The following ELMO1 variants were observed in gnomAD, a reference collection of about 807,000 sequenced individuals.
The protein encoded by ELMO1 is engulfment and cell motility protein 1.
A neutral mutation model predicts 98.9 loss-of-function variants in ELMO1; 26 were observed. The ratio of observed to expected loss-of-function variants is 0.26; its 90% confidence interval spans 0.19 to 0.36. The LOEUF (loss-of-function observed/expected upper bound fraction) is 0.36, where lower values mean the gene tolerates loss of function less well. Ranked by LOEUF, ELMO1 falls within the 10% of genes least tolerant of loss-of-function variation. The probability of loss-of-function intolerance (pLI) is 1.00; values close to 1 mark genes in which losing one functional copy is unlikely to be tolerated. For missense variants in ELMO1, 627 were observed against 935.2 expected, an observed-to-expected ratio of 0.67 and a Z score of 4.30; for synonymous variants, 346 against 346.0, an observed-to-expected ratio of 1.00 and a Z score of 0.00.
intron 4 of ELMO1, among the ~76,000 whole-genome samples, chr7:37,283,250 C>T (rs574608128): frequency 7.9e-5 from 12 of 152,092 alleles, no homozygotes; most frequent in Admixed American, 2.0e-4. Context: ...TTTCTGGAGA[C>T]GACAAACTCG....
intron 16 of ELMO1, among the ~76,000 whole-genome samples, chr7:37,008,995 G>A (rs951542030): frequency 3.3e-5 from 5 of 152,288 alleles, no homozygotes; most frequent in East Asian, 1.9e-4. Context: ...TGATTCTGAC[G>A]TACAGCTAAA....
intron 19 of ELMO1, among the ~76,000 whole-genome samples, chr7:36,871,174 CTG>C (rs1208554156): frequency 1.8e-4 from 27 of 152,184 alleles, no homozygotes; most frequent in African/African-American, 6.5e-4. Context: ...ATGTCTTACT[CTG>C]GAGTTGGCGG....
intron 14 of ELMO1, among the ~76,000 whole-genome samples, chr7:37,101,343 A>C (rs2129265054): frequency 6.6e-6 from 1 of 152,302 alleles, no homozygotes; most frequent in Non-Finnish European, 1.5e-5. Context: ...GTTGTAACTA[A>C]GTGAGTTACA....
In ELMO1 at chr7:37,254,978, T is replaced by TC. The variant is rs1162270967; in HGVS notation, c.413+4202dup. On this transcript the variant is annotated intron_variant, in intron 6 of 21. Coordinates refer to ENST00000310758, the MANE Select transcript of ELMO1 (RefSeq NM_014800.11). ...GGACTGTTCTGCAGGTGGAGATGTG[T>TC]CATAAAGTAAGGCCACAGCACTGAG... is the stretch of plus-strand genomic sequence containing the variant. Among the ~76,000 whole-genome samples, 13 of 152,334 alleles carry TC rather than the reference T, an allele frequency of 8.5e-5. No individual in the cohort carries two copies. In the East Asian group the frequency reaches 2.5e-3, roughly 29 times the overall value.
At chr7:37,104,732 T>A (rs1055438615) in intron 14 of ELMO1, among the ~76,000 whole-genome samples, 3 of 151,788 alleles carry the variant, frequency 2.0e-5, no homozygotes, top group Non-Finnish European at 4.4e-5. Context: ...AATGTGAGTA[T>A]AACTGACGAC....
chr7:36,937,318 C>T (rs533305748), intron 16 of ELMO1, among the ~76,000 whole-genome samples: 3 of 152,260 alleles, frequency 2.0e-5, no homozygotes, highest in East Asian at 1.9e-4. Flanking sequence ...GAGAACGCCA[C>T]GTGACAACAA....
intron 2 of ELMO1, among the ~76,000 whole-genome samples, chr7:37,323,992 C>T (rs1320096900): frequency 1.3e-5 from 2 of 152,126 alleles, no homozygotes; most frequent in Non-Finnish European, 2.9e-5. Context: ...TCCTTTAAGG[C>T]ACTGGAGACC....
intron 1 of ELMO1, among the ~76,000 whole-genome samples, chr7:37,399,813 G>C (rs1166075727): frequency 6.6e-6 from 1 of 152,194 alleles, no homozygotes; most frequent in Non-Finnish European, 1.5e-5. Flanking sequence ...GTGACTTGAA[G>C]TGGGAGTAAT....
At chr7:36,956,553 AG>A (rs750138201) in intron 16 of ELMO1, among the ~76,000 whole-genome samples, 63 of 152,362 alleles carry the variant, frequency 4.1e-4, no homozygotes, top group Non-Finnish European at 7.9e-4. Context: ...TATAAAAAAA[AG>A]GTCACTTTAT....
At chr7:37,206,477 G>A (rs1459021250) in intron 13 of ELMO1, among the ~76,000 whole-genome samples, 1 of 152,112 alleles carries the variant, frequency 6.6e-6, no homozygotes, top group East Asian at 1.9e-4. Context: ...ATTAGGATGG[G>A]GACAGAGATA....
At chr7:37,357,288 C>T (rs1341706357) in intron 1 of ELMO1, among the ~76,000 whole-genome samples, 1 of 152,140 alleles carries the variant, frequency 6.6e-6, no homozygotes. Context: ...CGCTTGCTAA[C>T]CTGTCTTTGG....
intron 13 of ELMO1, among the ~76,000 whole-genome samples, chr7:37,148,056 T>C (rs1788112949): frequency 6.6e-6 from 1 of 152,132 alleles, no homozygotes; most frequent in Non-Finnish European, 1.5e-5. Flanking sequence ...GCTGGCTGTA[T>C]ACAGCAGAGA....
chr7:37,426,977 T>C (rs1804735313), intron 1 of ELMO1, among the ~76,000 whole-genome samples: 1 of 151,984 alleles, frequency 6.6e-6, no homozygotes, highest in African/African-American at 2.4e-5. Flanking sequence ...AGGATTTTTA[T>C]CCAAGATCCT....
intron 1 of ELMO1, among the ~76,000 whole-genome samples, chr7:37,411,722 T>C (rs1731986): frequency 0.27 from 40,802 of 152,066 alleles, 5,795 homozygotes; most frequent in Non-Finnish European, 0.32. Flanking sequence ...TTTTTCCTGA[T>C]CTGGTTCATA....
At chr7:36,927,832 A>G (rs1328886988) in intron 16 of ELMO1, among the ~76,000 whole-genome samples, 1 of 152,224 alleles carries the variant, frequency 6.6e-6, no homozygotes, top group Non-Finnish European at 1.5e-5. Context: ...ATTTAAATAA[A>G]TTGGTTAATT....
chr7:37,291,474 T>A (rs149941263), intron 4 of ELMO1, among the ~76,000 whole-genome samples: 5 of 152,136 alleles, frequency 3.3e-5, no homozygotes, highest in Admixed American at 2.6e-4. Flanking sequence ...CCACAACATA[T>A]AAACAACTCC....
At chr7:37,433,078 C>A (rs892705969) in intron 1 of ELMO1, among the ~76,000 whole-genome samples, 1 of 152,184 alleles carries the variant, frequency 6.6e-6, no homozygotes, top group Non-Finnish European at 1.5e-5. Context: ...TCTCCAACAC[C>A]CAGAGGCTCC....
chr7:37,210,878 T>TA (rs559208011), intron 13 of ELMO1, among the ~76,000 whole-genome samples: 25 of 149,264 alleles, frequency 1.7e-4, no homozygotes, highest in Admixed American at 3.3e-4. Context: ...ATTTGCAAAC[T>TA]AAAAAAAAAA....
At chr7:37,380,897 G>A (rs182803839) in intron 1 of ELMO1, among the ~76,000 whole-genome samples, 34 of 152,272 alleles carry the variant, frequency 2.2e-4, no homozygotes, top group South Asian at 4.1e-4. Context: ...CTTGTGCTTA[G>A]GAACATTAGA....
Sources: gnomAD v4.1 joint callset for allele counts (sites outside exome capture counted in the v4.1 genomes callset) on GRCh38, gnomAD v4.1.1 for gene constraint, MANE v1.5 for transcripts, NCBI Gene and HGNC (gene_info 2026-07-23, HGNC 2026-07-21) for gene names.